Variants in CLYBL observed in about 807,000 individuals in gnomAD.
CLYBL encodes the protein citramalyl-CoA lyase, also known as citramalyl-CoA lyase, mitochondrial.
In CLYBL, 31 loss-of-function variants were observed where a neutral mutation model predicts 38.9. The observed-to-expected ratio is 0.80, with a 90% CI of 0.60 to 1.08. The LOEUF (loss-of-function observed/expected upper bound fraction) is 1.08, where lower values mean the gene tolerates loss of function less well. Ranked by LOEUF, CLYBL falls within the 50% of genes least tolerant of loss-of-function variation. The pLI is 0.00. For missense variants in CLYBL, 434 were observed against 411.6 expected (o/e 1.05, Z -0.47); for synonymous variants, 171 against 158.6 (o/e 1.08, Z -0.59).
intron 2 of CLYBL, among the ~76,000 whole-genome samples, chr13:99,803,355 G>A (rs2050171907): frequency 6.6e-6 from 1 of 152,232 alleles, no homozygotes; most frequent in South Asian, 2.1e-4. Flanking sequence ...GAATGAATGG[G>A]CATCCTTGAT....
At chr13:99,611,685 T>G (rs192067004) in intron 1 of CLYBL, among the ~76,000 whole-genome samples, 1 of 152,336 alleles carries the variant, frequency 6.6e-6, no homozygotes, top group East Asian at 1.9e-4. Flanking sequence ...ATGAAACAAT[T>G]TGTGTAAATT....
chr13:99,608,476 C>T (rs988323178), intron 1 of CLYBL, among the ~76,000 whole-genome samples: 3 of 152,192 alleles, frequency 2.0e-5, no homozygotes, highest in African/African-American at 7.2e-5. Context: ...CCATTTCCTC[C>T]GCTGCCCCTG....
chr13:99,741,355 G>T lies in CLYBL; in HGVS notation c.63-31469G>T, dbSNP rs139732461. Among the ~76,000 whole-genome samples, 482 of 152,286 alleles carry T rather than the reference G, an allele frequency of 3.2e-3. 8 individuals carry two copies. Among genetic ancestry groups the T allele is most frequent in the South Asian group, 0.026 (126 of 4,820 alleles). ...TCACCCACTTCTTCATAGTCCCAGG[G>T]AGTGTGTCACCTTACCAGGCCACTA... is the stretch of plus-strand genomic sequence containing the variant. On this transcript the variant is annotated intron_variant, in intron 1 of 8. Transcript: ENST00000339105.
At chr13:99,773,342 C>T (rs73570358) in intron 2 of CLYBL, among the ~76,000 whole-genome samples, 6,863 of 152,260 alleles carry the variant, frequency 0.045, 266 homozygotes, top group African/African-American at 0.095. Context: ...AATCCCCAGG[C>T]CATGGACCAG....
At chr13:99,748,429 G>GTTTT (rs1165919560) in intron 1 of CLYBL, among the ~76,000 whole-genome samples, 23 of 87,684 alleles carry the variant, frequency 2.6e-4, no homozygotes, top group African/African-American at 9.6e-4. Context: ...CTAGTTTTGT[G>GTTTT]TTTTTTTTTT....
At chr13:99,825,533 A>G (rs1717428920) in intron 2 of CLYBL, among the ~76,000 whole-genome samples, 1 of 152,134 alleles carries the variant, frequency 6.6e-6, no homozygotes, top group African/African-American at 2.4e-5. Context: ...TGTTTAAAGC[A>G]TTTATTAATA....
At chr13:99,776,939 G>A (rs1314048080) in intron 2 of CLYBL, among the ~76,000 whole-genome samples, 1 of 151,810 alleles carries the variant, frequency 6.6e-6, no homozygotes. Flanking sequence ...GCAGTGGTGC[G>A]ATCTCGGCTC....
At chr13:99,855,198 C>G (rs1295463515) in intron 2 of CLYBL, among the ~76,000 whole-genome samples, 2 of 152,196 alleles carry the variant, frequency 1.3e-5, no homozygotes, top group Admixed American at 1.3e-4. Flanking sequence ...GAGAATGGCT[C>G]ACCAAGGCTG....
chr13:99,687,473 G>T (rs2047834887), intron 1 of CLYBL, among the ~76,000 whole-genome samples: 1 of 152,172 alleles, frequency 6.6e-6, no homozygotes, highest in South Asian at 2.1e-4. Flanking sequence ...ATCGGACTGA[G>T]GGCTGGATCC....
intron 1 of CLYBL, among the ~76,000 whole-genome samples, chr13:99,670,769 A>G (rs184023044): frequency 1.2e-4 from 18 of 152,114 alleles, no homozygotes; most frequent in African/African-American, 4.3e-4. Context: ...CCCTCCACCC[A>G]TGGGAGGTCT....
At chr13:99,880,479 A>G (rs1423874502) in intron 7 of CLYBL, among the ~76,000 whole-genome samples, 2 of 152,264 alleles carry the variant, frequency 1.3e-5, no homozygotes, top group Non-Finnish European at 2.9e-5. Context: ...ATTGTGGATC[A>G]CACAGCTAGG....
intron 1 of CLYBL, among the ~76,000 whole-genome samples, chr13:99,744,370 G>A (rs1169645915): frequency 6.6e-6 from 1 of 152,168 alleles, no homozygotes; most frequent in Non-Finnish European, 1.5e-5. Context: ...CACCTACACT[G>A]TAGTGTGAGG....
chr13:99,630,040 G>A (rs9585153), intron 1 of CLYBL, among the ~76,000 whole-genome samples: 2,445 of 149,574 alleles, frequency 0.016, 60 homozygotes, highest in African/African-American at 0.055. Flanking sequence ...AGAAGTGCCC[G>A]AAGTTAGTTG....
intron 1 of CLYBL, among the ~76,000 whole-genome samples, chr13:99,733,133 A>G (rs942253462): frequency 6.6e-6 from 1 of 152,186 alleles, no homozygotes; most frequent in Non-Finnish European, 1.5e-5. Context: ...TCTTGAAATC[A>G]GTTATTTGTC....
chr13:99,864,947 G>A (rs1555321131), intron 5 of CLYBL, 36 bp downstream of exon 5: 1 of 1,401,970 alleles, frequency 7.1e-7, no homozygotes. Context: ...TTTTCTGTGT[G>A]TGTGTGTGTA....
chr13:99,761,830 C>T (rs569822612), intron 1 of CLYBL, among the ~76,000 whole-genome samples: 10 of 152,254 alleles, frequency 6.6e-5, no homozygotes, highest in South Asian at 2.1e-4. Flanking sequence ...CACCAGCACT[C>T]GTTACTGACC....
At chr13:99,641,146 G>A (rs1413675935) in intron 1 of CLYBL, among the ~76,000 whole-genome samples, 1 of 152,148 alleles carries the variant, frequency 6.6e-6, no homozygotes, top group Non-Finnish European at 1.5e-5. Flanking sequence ...CAGATCACCA[G>A]TGCAAGCCTA....
Position 99,665,924 on chromosome 13 carries a change from T to C in CLYBL, c.62+59167T>C, listed in dbSNP as rs188839984. ...GATGGCGCTTAAATCTGTCACTCTT[T>C]AACGACCCTACTGTTTTTTAAAAAT... On this transcript the variant is annotated intron_variant, in intron 1 of 8. Transcript: ENST00000339105. Among the ~76,000 whole-genome samples, 21 of 152,334 alleles carry C rather than the reference T, an allele frequency of 1.4e-4. No individual in the cohort carries two copies. In the East Asian group the frequency reaches 2.7e-3, roughly 20 times the overall value.
intron 1 of CLYBL, among the ~76,000 whole-genome samples, chr13:99,744,027 C>T (rs2048805297): frequency 7.7e-6 from 1 of 129,178 alleles, no homozygotes; most frequent in Non-Finnish European, 1.5e-5. Flanking sequence ...GGCTGGAATG[C>T]GGTGGCGCGA....
Sources: gnomAD v4.1 joint callset for allele counts (sites outside exome capture counted in the v4.1 genomes callset) on GRCh38, gnomAD v4.1.1 for gene constraint, MANE v1.5 for transcripts, NCBI Gene and HGNC (gene_info 2026-07-23, HGNC 2026-07-21) for gene names.